KLF13: variants seen among roughly 807,000 people sequenced by gnomAD.
KLF13 encodes the protein KLF transcription factor 13, also known as Krueppel-like factor 13.
A neutral mutation model predicts 16.7 loss-of-function variants in KLF13; 8 were observed. The ratio of observed to expected loss-of-function variants is 0.48; its 90% CI spans 0.28 to 0.87. The LOEUF (loss-of-function observed/expected upper bound fraction) is 0.87, where lower values mean the gene tolerates loss of function less well. Among genes scored for constraint, KLF13 ranks in the 40% least tolerant of loss-of-function variants. The pLI is 0.10. For synonymous variants in KLF13, 245 were observed against 208.4 expected, an observed-to-expected ratio of 1.18 and a Z score of -1.51; for missense variants, 447 against 452.2, an observed-to-expected ratio of 0.99 and a Z score of 0.10.
At chr15:31,331,863 T>C (rs150721594) in intron 1 of KLF13, among the ~76,000 whole-genome samples, 22 of 152,380 alleles carry the variant, frequency 1.4e-4, no homozygotes, top group African/African-American at 4.6e-4. Context: ...TGTGTCCACG[T>C]AGACATTTTG....
intron 1 of KLF13, among the ~76,000 whole-genome samples, chr15:31,419,734 A>C (rs1315457744): frequency 6.6e-6 from 1 of 152,226 alleles, no homozygotes; most frequent in Non-Finnish European, 1.5e-5. Flanking sequence ...GAAAGAGAGC[A>C]AAGGGCAGAG....
chr15:31,413,261 A>G (rs2040218781), intron 1 of KLF13, among the ~76,000 whole-genome samples: 1 of 151,886 alleles, frequency 6.6e-6, no homozygotes, highest in Admixed American at 6.6e-5. Context: ...ATAACAACAT[A>G]TATATAACCA....
intron 1 of KLF13, among the ~76,000 whole-genome samples, chr15:31,363,139 C>T (rs1374223422): frequency 6.6e-6 from 1 of 152,158 alleles, no homozygotes; most frequent in Non-Finnish European, 1.5e-5. Context: ...GTTTGTACTC[C>T]CATCAGCAAA....
rs138897171 is a variant in KLF13 at position 31,419,627 on chromosome 15, A to G, written n.118-15743A>G. ...TTTGAAATGATCAAGTCACAGGAAC[A>G]AAAAGAATAAAGGATTAGTAAAAGT... On this transcript the variant is annotated intron_variant and non_coding_transcript_variant, in intron 1 of 1. Transcript: ENST00000558225. Among the ~76,000 whole-genome samples the G allele has an allele frequency of 4.2e-3, 633 of 152,342 alleles. 18 individuals are homozygous for G. The highest frequency in any genetic ancestry group is 0.038 in the Admixed American group (585 of 15,306).
chr15:31,331,445 C>A (rs1220733330), intron 1 of KLF13, among the ~76,000 whole-genome samples: 2 of 152,230 alleles, frequency 1.3e-5, no homozygotes, highest in South Asian at 4.1e-4. Context: ...CGACCCCTCC[C>A]CCAGGGCACA....
rs922731588 is a variant in KLF13 at position 31,372,451 on chromosome 15, CAAAA to C, written c.*157_*160del. 1.3e-5 allele frequency: 11 copies of C among 863,820 alleles called. No homozygotes were observed. The highest frequency in any genetic ancestry group is 7.1e-5 in the African/African-American group (4 of 56,460). The allele number at this position is 863,820 out of a possible 1,614,324, so 53.5% of individuals were successfully genotyped here. On this transcript the variant is annotated 3_prime_UTR_variant, in exon 2 of 2. Transcript: ENST00000307145. ...TGTCAAAGTAAATTTGTTAAAAAAACAAAAAAAACACAAAAATTTCAAAAAACAC... is the reference window on the plus strand; with the variant it reads ...TGTCAAAGTAAATTTGTTAAAAAAACAAAACACAAAAATTTCAAAAAACAC...
At chr15:31,400,595 G>A (rs1377728360) in intron 2 of KLF13, among the ~76,000 whole-genome samples, 4 of 152,248 alleles carry the variant, frequency 2.6e-5, no homozygotes, top group African/African-American at 9.6e-5. Context: ...GTCAGAGCTG[G>A]GGGTGAGGTG....
At chr15:31,403,787 T>G (rs1030690801) in exon 3 of KLF13, 3 of 152,250 alleles carry the variant, frequency 2.0e-5, no homozygotes, top group Admixed American at 2.0e-4. Flanking sequence ...TTAGGATTTT[T>G]TCAACCCATA....
rs2038720074 is a variant in KLF13 at position 31,327,024 on chromosome 15, C to T, written c.-189C>T. On this transcript the variant is annotated 5_prime_UTR_variant, in exon 1 of 2. Transcript: ENST00000307145. ...GCTCACTCTTCGGTGCCCGGCCGGG[C>T]CGGCGCCTCGCAGACGCGGAGCCGC... is the stretch of plus-strand genomic sequence containing the variant. 3.2e-6 allele frequency: 1 copy of T among 314,642 alleles called. No homozygotes were observed. The highest frequency in any genetic ancestry group is 4.8e-6 in the Non-Finnish European group (1 of 208,358). 19.5% of individuals were successfully genotyped at this position (314,642 alleles called of 1,614,324 possible).
chr15:31,336,611 G>T (rs1316631668), intron 1 of KLF13, among the ~76,000 whole-genome samples: 1 of 152,158 alleles, frequency 6.6e-6, no homozygotes, highest in Non-Finnish European at 1.5e-5. Context: ...TGGTTTAGGG[G>T]TATTGGTAGA....
At chr15:31,329,896 G>C (rs1267233050) in intron 1 of KLF13, among the ~76,000 whole-genome samples, 1 of 152,168 alleles carries the variant, frequency 6.6e-6, no homozygotes, top group East Asian at 1.9e-4. Context: ...GCAGATTTCC[G>C]GGCCCCTGAT....
chr15:31,424,526 C>T (rs866055190), intron 1 of KLF13, among the ~76,000 whole-genome samples: 24 of 152,276 alleles, frequency 1.6e-4, no homozygotes, highest in Middle Eastern at 3.4e-3. Context: ...ACAAAAACCA[C>T]ATGATCATTT....
At chr15:31,423,028 CCTT>C (rs1352769028) in intron 1 of KLF13, among the ~76,000 whole-genome samples, 4 of 144,342 alleles carry the variant, frequency 2.8e-5, no homozygotes, top group African/African-American at 1.0e-4. Flanking sequence ...GAGTGAGACT[CCTT>C]CTCAAATAAA....
chr15:31,332,284 A>G (rs1440376375), intron 1 of KLF13, among the ~76,000 whole-genome samples: 1 of 152,206 alleles, frequency 6.6e-6, no homozygotes, highest in Non-Finnish European at 1.5e-5. Context: ...TCACGACTCC[A>G]CCTTCTTGAA....
chr15:31,346,264 C>T (rs1001792261), intron 1 of KLF13, among the ~76,000 whole-genome samples: 1 of 152,228 alleles, frequency 6.6e-6, no homozygotes, highest in Admixed American at 6.5e-5. Flanking sequence ...GACCTCCTGT[C>T]CTCTGCTTTT....
At chr15:31,345,775 C>T (rs559183409) in intron 1 of KLF13, among the ~76,000 whole-genome samples, 18 of 152,326 alleles carry the variant, frequency 1.2e-4, no homozygotes, top group Middle Eastern at 3.4e-3. Flanking sequence ...ACCCGGGTGT[C>T]TGCCCTGCCA....
In KLF13 at chr15:31,327,383, C is replaced by A; in HGVS notation, c.171C>A (p.Asp57Glu). Residue 57 changes from aspartate (D) to glutamate (E), a missense_variant, in exon 1 of 2, where the codon GAC becomes GAA. By Grantham distance (45) the Asp-to-Glu change is conservative (BLOSUM62 2). Coordinates refer to ENST00000307145, the MANE Select transcript of KLF13 (RefSeq NM_015995.4). ...PRVEERRDGKDSASLFVVARI... is the reference protein window; with the variant it reads ...PRVEERRDGKESASLFVVARI... ...TCGAGGAGCGCCGCGACGGTAAGGA[C>A]AGCGCCTCGCTCTTCGTGGTGGCGC... The A allele has an allele frequency of 7.7e-7, 1 of 1,291,008 alleles. No homozygotes were observed. The allele number at this position is 1,291,008 out of a possible 1,614,324, so 80.0% of individuals were successfully genotyped here. A position where few individuals can be genotyped will look rare whatever the true frequency, so the allele number is the denominator to read the frequency against.
chr15:31,327,113 GCCGCGC>G lies in KLF13; in HGVS notation c.-97_-92del. 1 of 951,530 alleles carries G rather than the reference GCCGCGC, an allele frequency of 1.1e-6. No homozygotes were observed. Among genetic ancestry groups the G allele is most frequent in the Non-Finnish European group, 1.3e-6 (1 of 764,606 alleles). The allele number at this position is 951,530 out of a possible 1,614,324, so 58.9% of individuals were successfully genotyped here. A position where few individuals can be genotyped will look rare whatever the true frequency, so the allele number is the denominator to read the frequency against. ...CCAGCCCAGCCCGAGGAGAGGGCGCGCCGCGCCCCCGCCCCCCGCCCGCTCTCCCGA... is the reference window on the plus strand; with the variant it reads ...CCAGCCCAGCCCGAGGAGAGGGCGCGCCCCGCCCCCCGCCCGCTCTCCCGA... On this transcript the variant is annotated 5_prime_UTR_variant, in exon 1 of 2. Coordinates refer to ENST00000307145, the MANE Select transcript of KLF13 (RefSeq NM_015995.4).
intron 2 of KLF13, among the ~76,000 whole-genome samples, chr15:31,400,895 G>T (rs541191541): frequency 3.9e-5 from 6 of 152,200 alleles, no homozygotes; most frequent in Non-Finnish European, 8.8e-5. Flanking sequence ...AGCTGACCCC[G>T]AGATTTGGGT....
Sources: allele counts gnomAD v4.1 joint callset (sites outside exome capture counted in the v4.1 genomes callset), GRCh38; gene constraint gnomAD v4.1.1; transcripts MANE v1.5; gene names NCBI Gene and HGNC (gene_info 2026-07-23, HGNC 2026-07-21).